SMIM45: variants seen among roughly 807,000 people sequenced by gnomAD.
The protein encoded by SMIM45 is small integral membrane protein 45.
At chr22:41,956,612 A>T in the SMIM45 span, among the ~76,000 whole-genome samples, 2 of 152,242 alleles carry the variant, frequency 1.3e-5, no homozygotes, top group Non-Finnish European at 2.9e-5. Flanking sequence ...CAGAGGAGGC[A>T]TCGCCCAACC....
chr22:41,953,850 A>G, the SMIM45 span, among the ~76,000 whole-genome samples: 1 of 143,746 alleles, frequency 7.0e-6, no homozygotes, highest in Non-Finnish European at 1.5e-5. Flanking sequence ...TCCGGGGTTC[A>G]CGCCATTCTC....
At chr22:41,958,366 G>A in the SMIM45 span, 1 of 456,546 alleles carries the variant, frequency 2.2e-6, no homozygotes, top group Non-Finnish European at 4.4e-6. Flanking sequence ...TCGTTTGGAG[G>A]GATGTCAGCT....
the SMIM45 span, chr22:41,958,772 G>A: frequency 5.6e-6 from 1 of 178,304 alleles, no homozygotes; most frequent in African/African-American, 2.4e-5. Flanking sequence ...GCCCCCTTGA[G>A]CCAGGCCCTG....
the SMIM45 span, among the ~76,000 whole-genome samples, chr22:41,957,181 CTT>C: frequency 3.4e-5 from 2 of 59,292 alleles, no homozygotes; most frequent in Admixed American, 2.5e-4. Context: ...ACCACGTGGT[CTT>C]TTTTTTTTTT....
the SMIM45 span, among the ~76,000 whole-genome samples, chr22:41,953,432 C>T: frequency 1.3e-5 from 2 of 152,226 alleles, no homozygotes; most frequent in East Asian, 1.9e-4. Context: ...CCCTGGAGGA[C>T]GCAAGCCTCA....
At chr22:41,947,139 C>T in the SMIM45 span, 1 of 1,551,132 alleles carries the variant, frequency 6.4e-7, no homozygotes, top group South Asian at 1.1e-5. Flanking sequence ...CGCCCTGAGT[C>T]CAGCCCCTAG....
chr22:41,947,315 G>GT, the SMIM45 span, among the ~76,000 whole-genome samples: 3 of 151,810 alleles, frequency 2.0e-5, no homozygotes, highest in Non-Finnish European at 4.4e-5. Context: ...CAGTAAGCAG[G>GT]TTTTTAGTGA....
At chr22:41,957,762 G>C in the SMIM45 span, 1 of 153,708 alleles carries the variant, frequency 6.5e-6, no homozygotes, top group Admixed American at 6.4e-5. Flanking sequence ...TTCGGCGCCT[G>C]CATCTACTAC....
At chr22:41,947,021 A>G in the SMIM45 span, 1 of 1,612,818 alleles carries the variant, frequency 6.2e-7, no homozygotes, top group Non-Finnish European at 8.5e-7. Flanking sequence ...TGCACCTACC[A>G]AGATGGTGGC....
the SMIM45 span, among the ~76,000 whole-genome samples, chr22:41,956,852 G>A: frequency 9.2e-5 from 14 of 152,216 alleles, no homozygotes; most frequent in African/African-American, 2.7e-4. Context: ...ACAGTGGCGC[G>A]ATCTTGGCTC....
the SMIM45 span, among the ~76,000 whole-genome samples, chr22:41,950,939 C>T: frequency 1.4e-4 from 22 of 152,328 alleles, no homozygotes; most frequent in African/African-American, 5.1e-4. Context: ...TTGCAGTGAG[C>T]CGAGATTGCG....
At chr22:41,955,477 T>C in the SMIM45 span, among the ~76,000 whole-genome samples, 85,087 of 151,714 alleles carry the variant, frequency 0.56, 26,979 homozygotes, top group African/African-American at 0.85. Context: ...TTGGCCTGGT[T>C]GCAAAATGCT....
At chr22:41,954,202 ATTTTTTTTTTT>A in the SMIM45 span, among the ~76,000 whole-genome samples, 5 of 104,552 alleles carry the variant, frequency 4.8e-5, no homozygotes, top group Non-Finnish European at 9.2e-5. Context: ...GGTACTTTGA[ATTTTTTTTTTT>A]TTTTTTTTTT....
chr22:41,950,435 C>T, the SMIM45 span, among the ~76,000 whole-genome samples: 3 of 152,310 alleles, frequency 2.0e-5, no homozygotes, highest in South Asian at 2.1e-4. Context: ...TGGTGGCTCA[C>T]GCCTGTAATC....
the SMIM45 span, among the ~76,000 whole-genome samples, chr22:41,948,529 G>A: frequency 2.6e-5 from 4 of 152,142 alleles, no homozygotes; most frequent in Non-Finnish European, 4.4e-5. Flanking sequence ...GCCCCATAGA[G>A]CCACTGCCCT....
the SMIM45 span, chr22:41,952,226 G>C: frequency 6.6e-6 from 1 of 152,558 alleles, no homozygotes; most frequent in African/African-American, 2.4e-5. Context: ...CAGAGCCCCT[G>C]GGTGTGAGAA....
chr22:41,954,622 C>T, the SMIM45 span, among the ~76,000 whole-genome samples: 3 of 152,182 alleles, frequency 2.0e-5, no homozygotes, highest in Admixed American at 1.3e-4. Flanking sequence ...ATGTAGGTGA[C>T]GGACAGGCAG....
the SMIM45 span, among the ~76,000 whole-genome samples, chr22:41,956,550 C>T: frequency 6.6e-6 from 1 of 152,200 alleles, no homozygotes; most frequent in Non-Finnish European, 1.5e-5. Context: ...AACTGGCAGC[C>T]ATGGCAGCTG....
chr22:41,956,809 A>G, the SMIM45 span, among the ~76,000 whole-genome samples: 1 of 152,218 alleles, frequency 6.6e-6, no homozygotes, highest in African/African-American at 2.4e-5. Flanking sequence ...AGAACTGCTC[A>G]TGGTTAAGTC....
Sources: gnomAD v4.1 joint callset for allele counts (sites outside exome capture counted in the v4.1 genomes callset) on GRCh38, gnomAD v4.1.1 for gene constraint, MANE v1.5 for transcripts, NCBI Gene and HGNC (gene_info 2026-07-23, HGNC 2026-07-21) for gene names.